The following SLC2A9 variants were observed in gnomAD, a reference collection of about 807,000 sequenced individuals.
SLC2A9 encodes solute carrier family 2, facilitated glucose transporter member 9.
Under a neutral mutation model 50.6 loss-of-function variants are expected in SLC2A9, and 39 were observed. The observed-to-expected ratio is 0.77, with a 90% CI of 0.60 to 1.01. The LOEUF (loss-of-function observed/expected upper bound fraction) is 1.01, where lower values mean the gene tolerates loss of function less well. SLC2A9 is among the 50% of genes least tolerant of loss of function. SLC2A9 has a pLI of 0.00. For missense variants in SLC2A9, 686 were observed against 677.6 expected (o/e 1.01, Z -0.14); for synonymous variants, 324 against 276.9 (o/e 1.17, Z -1.69).
intron 11 of SLC2A9, among the ~76,000 whole-genome samples, chr4:9,830,501 C>T (rs1482022902): frequency 6.6e-6 from 1 of 152,180 alleles, no homozygotes; most frequent in African/African-American, 2.4e-5. Flanking sequence ...ACATCCTGCA[C>T]ATGTACCCCA....
At chr4:10,021,068 C>T (rs1288096890) in intron 1 of SLC2A9, among the ~76,000 whole-genome samples, 1 of 152,226 alleles carries the variant, frequency 6.6e-6, no homozygotes, top group South Asian at 2.1e-4. Context: ...CTACCAGAGA[C>T]GCTGTTGGCC....
At chr4:9,974,667 A>T (rs917475832) in intron 5 of SLC2A9, among the ~76,000 whole-genome samples, 7 of 152,186 alleles carry the variant, frequency 4.6e-5, no homozygotes, top group Non-Finnish European at 1.0e-4. Flanking sequence ...TCATTAAAAT[A>T]GCAATACTGC....
chr4:9,805,056 G>A (rs563256809), intron 3 of SLC2A9, among the ~76,000 whole-genome samples: 98 of 152,260 alleles, frequency 6.4e-4, no homozygotes, highest in African/African-American at 2.0e-3. Flanking sequence ...CCCTGGCCTC[G>A]CCCTCTGCCG....
At chr4:10,032,908 C>T (rs926630575) in intron 1 of SLC2A9, among the ~76,000 whole-genome samples, 3 of 152,152 alleles carry the variant, frequency 2.0e-5, no homozygotes, top group Non-Finnish European at 4.4e-5. Flanking sequence ...CAAGCTGAGT[C>T]ACCAATTCTT....
intron 3 of SLC2A9, among the ~76,000 whole-genome samples, chr4:9,992,971 A>G (rs540095188): frequency 2.0e-5 from 3 of 152,350 alleles, no homozygotes; most frequent in Admixed American, 2.0e-4. Context: ...TCTACCATCC[A>G]TGCACAGCAC....
At position 9,879,478 on chromosome 4, in the gene SLC2A9, G is replaced by A. The variant is rs1040742788; in HGVS notation, c.1291+8089C>T. 4.1e-6 allele frequency: 4 copies of A among 985,324 alleles called. No homozygotes were observed. The East Asian group carries it at 3.4e-4, about 84-fold the overall frequency. 61.0% of individuals were successfully genotyped at this position (985,324 alleles called of 1,614,324 possible). A position where few individuals can be genotyped will look rare whatever the true frequency, so the allele number is the denominator to read the frequency against. On this transcript the variant is annotated intron_variant, in intron 10 of 11. Coordinates refer to ENST00000264784, the MANE Select transcript of SLC2A9 (RefSeq NM_020041.3). ...GCAGGGAGAATGCGGGATAGAGAGG[G>A]AGGGCAGGCAGGGCAGGCAGAGACG...
chr4:9,994,446 A>G, intron 3 of SLC2A9, among the ~76,000 whole-genome samples: 1 of 152,158 alleles, frequency 6.6e-6, no homozygotes, highest in East Asian at 1.9e-4. Flanking sequence ...CTTGGGGCAT[A>G]ACAACCAACA....
chr4:9,845,981 A>G (rs1728925928), intron 10 of SLC2A9, among the ~76,000 whole-genome samples: 1 of 152,216 alleles, frequency 6.6e-6, no homozygotes, highest in Non-Finnish European at 1.5e-5. Flanking sequence ...TTTACATGTC[A>G]AGTCCTGTGC....
At chr4:9,808,048 T>G (rs1722359859) in intron 3 of SLC2A9, among the ~76,000 whole-genome samples, 1 of 152,238 alleles carries the variant, frequency 6.6e-6, no homozygotes, top group Non-Finnish European at 1.5e-5. Context: ...ACTGCCATCG[T>G]GGAAGCCCCA....
intron 3 of SLC2A9, among the ~76,000 whole-genome samples, chr4:9,817,049 G>T (rs184956002): frequency 6.6e-6 from 1 of 152,266 alleles, no homozygotes; most frequent in African/African-American, 2.4e-5. Context: ...GGCCAGCAGT[G>T]CAGCATCTTC....
intron 10 of SLC2A9, among the ~76,000 whole-genome samples, chr4:9,838,500 A>C (rs888397321): frequency 3.3e-5 from 5 of 152,192 alleles, no homozygotes; most frequent in African/African-American, 9.7e-5. Flanking sequence ...GCCATAAAAA[A>C]CCGTTTTAAA....
At chr4:9,818,682 G>A (rs1450990519) in intron 3 of SLC2A9, among the ~76,000 whole-genome samples, 1 of 152,226 alleles carries the variant, frequency 6.6e-6, no homozygotes, top group Non-Finnish European at 1.5e-5. Flanking sequence ...CTGGACTAGA[G>A]TTTGGTCAAG....
intron 5 of SLC2A9, among the ~76,000 whole-genome samples, chr4:9,950,041 G>A (rs2108834865): frequency 6.6e-6 from 1 of 152,280 alleles, no homozygotes; most frequent in Admixed American, 6.5e-5. Context: ...TGGGGAGCAT[G>A]TGGCTGGTCG....
chr4:9,985,159 G>T (rs6849736), intron 4 of SLC2A9, among the ~76,000 whole-genome samples: 1 of 151,928 alleles, frequency 6.6e-6, no homozygotes, highest in African/African-American at 2.4e-5. Flanking sequence ...ACATGCTACT[G>T]TCTACCTTAT....
intron 3 of SLC2A9, among the ~76,000 whole-genome samples, chr4:9,788,523 C>G (rs1188585316): frequency 6.6e-6 from 1 of 151,948 alleles, no homozygotes; most frequent in Non-Finnish European, 1.5e-5. Context: ...AGGTTATAAT[C>G]TTTTACTTGA....
intron 2 of SLC2A9, among the ~76,000 whole-genome samples, chr4:10,016,450 A>G (rs771402654): frequency 3.3e-4 from 51 of 152,288 alleles, no homozygotes; most frequent in Middle Eastern, 6.8e-3. Flanking sequence ...TACATGGAGG[A>G]GGGCCGGCAC....
chr4:9,881,573 C>A (rs1362408388), intron 10 of SLC2A9, among the ~76,000 whole-genome samples: 1 of 152,188 alleles, frequency 6.6e-6, no homozygotes, highest in East Asian at 1.9e-4. Flanking sequence ...GCTTTTCAGG[C>A]CACATGTGGT....
In SLC2A9 at chr4:9,906,773, T is replaced by C. The variant is rs1162835913; in HGVS notation, c.1113+1462A>G. ...CCCATAAGTTTCATCTCAGACTGTG[T>C]TTTTCCATTGCTCAAAGTAAAAATA... On this transcript the variant is annotated intron_variant, in intron 8 of 11. Coordinates refer to ENST00000264784, the MANE Select transcript of SLC2A9 (RefSeq NM_020041.3). 2.0e-5 allele frequency among the ~76,000 whole-genome samples: 3 copies of C among 152,344 alleles called. No homozygotes were observed. The East Asian group carries it at 5.8e-4, about 29-fold the overall frequency.
intron 3 of SLC2A9, among the ~76,000 whole-genome samples, chr4:9,802,635 C>T (rs1186334378): frequency 7.0e-6 from 1 of 143,686 alleles, no homozygotes; most frequent in Non-Finnish European, 1.5e-5. Flanking sequence ...GATCTCGGCT[C>T]ACTGCAAACC....
Sources: allele counts gnomAD v4.1 joint callset (sites outside exome capture counted in the v4.1 genomes callset), GRCh38; gene constraint gnomAD v4.1.1; transcripts MANE v1.5; gene names NCBI Gene and HGNC (gene_info 2026-07-23, HGNC 2026-07-21).